GPD2: variants seen among roughly 807,000 people sequenced by gnomAD.
The protein encoded by GPD2 is glycerol-3-phosphate dehydrogenase 2, also known as glycerol-3-phosphate dehydrogenase, mitochondrial.
In GPD2, 54 loss-of-function variants were observed where a neutral mutation model predicts 82.4. The observed-to-expected ratio is 0.66, with a 90% CI of 0.53 to 0.82. GPD2 has a LOEUF of 0.82. Among genes scored for constraint, GPD2 ranks in the 40% least tolerant of loss-of-function variants. The pLI, the probability that GPD2 is intolerant of heterozygous loss-of-function variation, is 0.00. For missense variants in GPD2, 748 were observed against 896.2 expected (o/e 0.83, Z 2.11); for synonymous variants, 288 against 306.1 (o/e 0.94, Z 0.62).
chr2:156,521,278 A>G (rs948060875), intron 6 of GPD2, among the ~76,000 whole-genome samples: 10 of 152,254 alleles, frequency 6.6e-5, no homozygotes, highest in African/African-American at 2.4e-4. Flanking sequence ...AATTGTAAGC[A>G]TTGCAATCAT....
At chr2:156,423,118 A>G in the GPD2 span, among the ~76,000 whole-genome samples, 1 of 152,218 alleles carries the variant, frequency 6.6e-6, no homozygotes, top group African/African-American at 2.4e-5. Flanking sequence ...ATGCTCAGAG[A>G]GATTAGGCAG....
chr2:156,439,549 A>AAAAAAAAAC (rs1558898872), intron 1 of GPD2, among the ~76,000 whole-genome samples: 1 of 140,454 alleles, frequency 7.1e-6, no homozygotes, highest in African/African-American at 2.7e-5. Context: ...ACAAAAAAAA[A>AAAAAAAAAC]AAAACAAGCC....
chr2:156,438,307 G>T (rs1558898177), intron 1 of GPD2, among the ~76,000 whole-genome samples: 1 of 152,182 alleles, frequency 6.6e-6, no homozygotes, highest in Non-Finnish European at 1.5e-5. Flanking sequence ...GCTATGACGT[G>T]TGTAAAATTG....
intron 6 of GPD2, among the ~76,000 whole-genome samples, chr2:156,541,957 A>G (rs1214847761): frequency 7.3e-6 from 1 of 137,146 alleles, no homozygotes; most frequent in Non-Finnish European, 1.6e-5. Flanking sequence ...TACCCAAAGC[A>G]TGCTGTTGCT....
the GPD2 span, among the ~76,000 whole-genome samples, chr2:156,403,612 G>GGTGTGTGT: frequency 5.4e-5 from 8 of 147,924 alleles, no homozygotes; most frequent in East Asian, 2.0e-4. Flanking sequence ...GCATTCAAAG[G>GGTGTGTGT]GTGTGTGTGT....
At chr2:156,445,318 A>G (rs1354333307) in intron 1 of GPD2, among the ~76,000 whole-genome samples, 1 of 152,220 alleles carries the variant, frequency 6.6e-6, no homozygotes, top group African/African-American at 2.4e-5. Context: ...AAACTGTTTT[A>G]AAAACAATAG....
the GPD2 span, among the ~76,000 whole-genome samples, chr2:156,414,099 A>G: frequency 6.6e-6 from 1 of 152,198 alleles, no homozygotes; most frequent in African/African-American, 2.4e-5. Context: ...AAATGCACAT[A>G]TCACTTGGGG....
At chr2:156,416,600 C>T in the GPD2 span, among the ~76,000 whole-genome samples, 2 of 150,336 alleles carry the variant, frequency 1.3e-5, no homozygotes, top group East Asian at 3.9e-4. Context: ...TGGGCTCAAG[C>T]AATGCTCCCA....
chr2:156,402,765 C>G, the GPD2 span, among the ~76,000 whole-genome samples: 1 of 152,132 alleles, frequency 6.6e-6, no homozygotes, highest in African/African-American at 2.4e-5. Flanking sequence ...ATCCTCCCTG[C>G]TCTGTCTCCC....
chr2:156,554,038 C>T (rs1348077179), intron 8 of GPD2, among the ~76,000 whole-genome samples: 1 of 152,136 alleles, frequency 6.6e-6, no homozygotes, highest in Non-Finnish European at 1.5e-5. Context: ...AGCCTAGTTC[C>T]CATTCAGGCT....
In GPD2 at chr2:156,555,915, A is replaced by C. The variant is rs567444462; in HGVS notation, c.972-1474A>C. Among the ~76,000 whole-genome samples the C allele has an allele frequency of 7.5e-4, 115 of 152,318 alleles. No individual in the cohort carries two copies. In the Middle Eastern group the frequency reaches 0.01, roughly 14 times the overall value. ...CTACTCTCTCCGATGTGTCTCAGATAGGCTGTGAACAGTGACTTCTTTCTG... is the reference window on the plus strand; with the variant it reads ...CTACTCTCTCCGATGTGTCTCAGATCGGCTGTGAACAGTGACTTCTTTCTG... On this transcript the variant is annotated intron_variant, in intron 8 of 16. Coordinates refer to ENST00000438166, the MANE Select transcript of GPD2 (RefSeq NM_000408.5).
chr2:156,529,239 T>C (rs557331693), intron 6 of GPD2, among the ~76,000 whole-genome samples: 7 of 151,802 alleles, frequency 4.6e-5, no homozygotes, highest in Admixed American at 2.6e-4. Context: ...ATGTCTTCTT[T>C]TGAGAAGTGT....
chr2:156,541,827 T>TTTTG (rs1558951508), intron 6 of GPD2, among the ~76,000 whole-genome samples: 3 of 140,742 alleles, frequency 2.1e-5, no homozygotes, highest in East Asian at 4.2e-4. Flanking sequence ...GCTGTTTGTT[T>TTTTG]TTTTTTTTTT....
intron 2 of GPD2, among the ~76,000 whole-genome samples, chr2:156,484,933 C>T (rs1051637028): frequency 2.0e-5 from 3 of 152,172 alleles, no homozygotes; most frequent in Non-Finnish European, 4.4e-5. Flanking sequence ...TGCTCACCCA[C>T]CCTCTGCTTA....
chr2:156,508,949 C>CT (rs1198218961), intron 3 of GPD2, among the ~76,000 whole-genome samples: 1 of 152,178 alleles, frequency 6.6e-6, no homozygotes, highest in Admixed American at 6.5e-5. Context: ...ACTTGCTTTT[C>CT]TTTGAGCGGG....
chr2:156,487,596 A>T (rs546210435), intron 2 of GPD2, among the ~76,000 whole-genome samples: 2 of 152,312 alleles, frequency 1.3e-5, no homozygotes, highest in African/African-American at 4.8e-5. Context: ...ATAACTAAAG[A>T]TTTCCTCACT....
At chr2:156,523,310 T>C (rs1558941483) in intron 6 of GPD2, among the ~76,000 whole-genome samples, 1 of 152,162 alleles carries the variant, frequency 6.6e-6, no homozygotes, top group Non-Finnish European at 1.5e-5. Flanking sequence ...AGTTGTGCCT[T>C]TCCCAGAATG....
chr2:156,495,713 C>T (rs905006560), intron 2 of GPD2: 10 of 391,728 alleles, frequency 2.6e-5, no homozygotes, highest in Non-Finnish European at 4.1e-5. Context: ...TCCTTATGTT[C>T]CCTTATAAAT....
At chr2:156,579,582 T>G in intron 15 of GPD2, 108 bp from the exon 16 acceptor site, 1 of 698,392 alleles carries the variant, frequency 1.4e-6, no homozygotes, top group Non-Finnish European at 2.7e-6. Flanking sequence ...TCTGCCTGCC[T>G]TGGCCTCCCA....
Sources: gnomAD v4.1 joint callset for allele counts (sites outside exome capture counted in the v4.1 genomes callset) on GRCh38, gnomAD v4.1.1 for gene constraint, MANE v1.5 for transcripts, NCBI Gene and HGNC (gene_info 2026-07-23, HGNC 2026-07-21) for gene names.